The following SLC30A3 variants were observed in gnomAD, a reference collection of about 807,000 sequenced individuals.
SLC30A3 encodes the protein probable proton-coupled zinc antiporter SLC30A3.
SLC30A3 carries 20 observed loss-of-function variants against 35.6 expected under a neutral mutation model. The observed-to-expected ratio is 0.56, with a 90% CI of 0.39 to 0.82. SLC30A3 has a LOEUF of 0.82. Among genes scored for constraint, SLC30A3 ranks in the 40% least tolerant of loss-of-function variants. The probability of loss-of-function intolerance (pLI) is 0.00; values close to 1 mark genes in which losing one functional copy is unlikely to be tolerated. For missense variants in SLC30A3, 401 were observed against 530.6 expected, an observed-to-expected ratio of 0.76 and a Z score of 2.40; for synonymous variants, 217 against 224.7, an observed-to-expected ratio of 0.97 and a Z score of 0.31.
Position 27,255,245 on chromosome 2 carries a change from G to A in SLC30A3, c.*67C>T. 2 of 1,610,152 alleles carry A rather than the reference G, an allele frequency of 1.2e-6. No individual in the cohort carries two copies. The highest frequency in any genetic ancestry group is 2.2e-5 in the East Asian group (1 of 44,818). On this transcript the variant is annotated 3_prime_UTR_variant, in exon 8 of 8. Transcript: ENST00000233535. This position sits in a 1 kb window ranked among gnomAD's most constrained non-coding sequence, Gnocchi z 5.2. ...GGCTCGGTCCCGTCTCTGTGATCAG[G>A]GCAGCAGATGCTGAGAGTCTGGGGC...
At chr2:27,264,023 G>A (rs1215874008), upstream of SLC30A3, 3 of 1,288,082 alleles carry the variant, frequency 2.3e-6, no homozygotes, top group African/African-American at 4.6e-5. This position sits in a 1 kb window ranked among gnomAD's most constrained non-coding sequence, Gnocchi z 6.1. Flanking sequence ...AAAGTCGGTG[G>A]CCGAGCCTCA....
In SLC30A3 at chr2:27,256,472, G is replaced by A. The variant is rs1416141908; in HGVS notation, c.932C>T (p.Ser311Leu). The change falls in exon 7 of 8, where the codon TCG (serine) becomes TTG (leucine). Residue 311 changes from serine (S) to leucine (L), a missense_variant. Physicochemically the swap from Ser to Leu is moderately radical, Grantham distance 145. Coordinates refer to ENST00000233535, the MANE Select transcript of SLC30A3 (RefSeq NM_003459.5). ...ATGGGTTGCCCGGACTCCTGGCACCGACAACAGCGTATCCCGCACAGGTTC... is the reference window on the plus strand; with the variant it reads ...ATGGGTTGCCCGGACTCCTGGCACCAACAACAGCGTATCCCGCACAGGTTC... The part of the protein sequence containing the change: ...GFEPVRDTLL[S>L]VPGVRATHEL... 5.0e-6 allele frequency: 8 copies of A among 1,613,960 alleles called. No individual in the cohort carries two copies. The highest frequency in any genetic ancestry group is 1.3e-5 in the African/African-American group (1 of 74,882).
rs896716950 is a variant in SLC30A3, at chr2:27,257,756, C to T, written c.578+149G>A. ...CTGAATTTTAGGTCTCTATCCCAGA[C>T]CCTTCTCAGGCACACGCAGGGCAGC... On this transcript the variant is annotated intron_variant, in intron 4 of 7. Coordinates refer to ENST00000233535, the MANE Select transcript of SLC30A3 (RefSeq NM_003459.5). The surrounding 1 kb of genome is among the most constrained non-coding windows in gnomAD (Gnocchi z 4.7). 208 of 801,686 alleles carry T rather than the reference C, an allele frequency of 2.6e-4. No individual in the cohort carries two copies. The highest frequency in any genetic ancestry group is 3.6e-4 in the Non-Finnish European group (185 of 507,004). The allele number at this position is 801,686 out of a possible 1,614,324, so 49.7% of individuals were successfully genotyped here. A position where few individuals can be genotyped will look rare whatever the true frequency, so the allele number is the denominator to read the frequency against.
chr2:27,259,258 G>C (rs1677050850), intron 1 of SLC30A3, among the ~76,000 whole-genome samples: 1 of 152,180 alleles, frequency 6.6e-6, no homozygotes, highest in Non-Finnish European at 1.5e-5. Context: ...ACTTTGGGAG[G>C]CCAAGGCAGG....
rs1413451799 is a variant in SLC30A3, at chr2:27,262,182, A to G, written c.95+630T>C. On this transcript the variant is annotated intron_variant, in intron 1 of 7. Coordinates refer to ENST00000233535, the MANE Select transcript of SLC30A3 (RefSeq NM_003459.5). The surrounding 1 kb of genome is among the most constrained non-coding windows in gnomAD (Gnocchi z 7.5). The stretch of plus-strand genomic sequence containing the variant: ...CTGTCCCGGCCGCTCCGCGCGCCTC[A>G]TTTCACACCTCGCCGCCCCCGGCCC... 6.6e-6 allele frequency: 1 copy of G among 151,750 alleles called. No individual in the cohort carries two copies. The highest frequency in any genetic ancestry group is 2.4e-5 in the African/African-American group (1 of 41,302). The allele number at this position is 151,750 out of a possible 1,614,324, so 9.4% of individuals were successfully genotyped here. A position where few individuals can be genotyped will look rare whatever the true frequency, so the allele number is the denominator to read the frequency against.
chr2:27,255,416 G>A lies in SLC30A3; in HGVS notation c.1063C>T (p.Arg355Trp), dbSNP rs941672860. 3.7e-6 allele frequency: 6 copies of A among 1,614,038 alleles called. No homozygotes were observed. Among genetic ancestry groups the A allele is most frequent in the South Asian group, 1.1e-5 (1 of 91,022 alleles). The change falls in exon 8 of 8, where the codon CGG becomes TGG. Residue 355 changes from arginine to tryptophan, a missense_variant. Around this residue, in one of 3 missense-constraint regions of SLC30A3, gnomAD observed 296 missense variants for 392.6 expected, o/e 0.75. Transcript: ENST00000233535. The surrounding 1 kb of genome is among the most constrained non-coding windows in gnomAD (Gnocchi z 5.2). ...GAGAATCCAAACCGGGAGTAGAGCC[G>A]GGATGAGGCTTCAGCCAGGACGGCT... ...PEAVLAEASS[R>W]LYSRFGFSSC...
At chr2:27,267,056 TG>T (rs995220851), upstream of SLC30A3, among the ~76,000 whole-genome samples, 1 of 152,114 alleles carries the variant, frequency 6.6e-6, no homozygotes, top group African/African-American at 2.4e-5. Context: ...AGCCCCTGAT[TG>T]TCACGCCATC....
rs758979490 is a variant in SLC30A3 at position 27,258,982 on chromosome 2, C to T, written c.96-48G>A. On this transcript the variant is annotated intron_variant, in intron 1 of 7. Coordinates refer to ENST00000233535, the MANE Select transcript of SLC30A3 (RefSeq NM_003459.5). The surrounding 1 kb of genome is among the most constrained non-coding windows in gnomAD (Gnocchi z 4.0). ...ACCTGGGCCTGGCCCACAGGCTGGC[C>T]TGCTCACTCCACGTCCTTAGTCCCC... is the stretch of plus-strand genomic sequence containing the variant. 2 of 1,470,720 alleles carry T rather than the reference C, an allele frequency of 1.4e-6. No individual in the cohort carries two copies. Among genetic ancestry groups the T allele is most frequent in the Admixed American group, 4.4e-5 (2 of 45,056 alleles). 91.1% of individuals were successfully genotyped at this position (1,470,720 alleles called of 1,614,324 possible).
upstream of SLC30A3, among the ~76,000 whole-genome samples, chr2:27,265,135 A>T (rs1174928431): frequency 2.6e-5 from 4 of 152,114 alleles, no homozygotes; most frequent in Admixed American, 2.6e-4. The surrounding 1 kb of genome is among the most constrained non-coding windows in gnomAD (Gnocchi z 5.9). Flanking sequence ...ACATAACAAC[A>T]ATGGCTTCCT....
chr2:27,258,264 G>A lies in SLC30A3; in HGVS notation c.321C>T (p.Ala107=), dbSNP rs1383360300. 6.4e-7 allele frequency: 1 copy of A among 1,550,960 alleles called. No homozygotes were observed. The highest frequency in any genetic ancestry group is 8.7e-7 in the Non-Finnish European group (1 of 1,146,336). The change falls in exon 3 of 8, where the codon GCC becomes GCT. Residue 107 remains alanine (A), a synonymous_variant. Transcript: ENST00000233535. The surrounding 1 kb of genome is among the most constrained non-coding windows in gnomAD (Gnocchi z 4.0). ...TGCTGCCCACATCCGCCAGCAAGTG[G>A]GCTGCATCGGTCATGATGGCCAGGC... The part of the protein sequence containing the change: ...AHSLAIMTDA[A]HLLADVGSMM...
upstream of SLC30A3, among the ~76,000 whole-genome samples, chr2:27,265,581 G>A (rs1490203828): frequency 6.6e-6 from 1 of 152,178 alleles, no homozygotes; most frequent in African/African-American, 2.4e-5. This position sits in a 1 kb window ranked among gnomAD's most constrained non-coding sequence, Gnocchi z 5.9. Context: ...AAGCTGAAGA[G>A]CATGGACAGA....
chr2:27,269,274 C>T (rs1353797008), intron 1 of SLC30A3, among the ~76,000 whole-genome samples: 2 of 144,800 alleles, frequency 1.4e-5, no homozygotes, highest in Admixed American at 1.5e-4. Flanking sequence ...GGCACGATCT[C>T]GGCTCACTGC....
At chr2:27,267,999 A>G (rs1677566000), upstream of SLC30A3, among the ~76,000 whole-genome samples, 1 of 151,788 alleles carries the variant, frequency 6.6e-6, no homozygotes. Context: ...CTCTATTTCT[A>G]TTCCTTGTTT....
rs564734242 is a variant in SLC30A3 at position 27,255,563 on chromosome 2, C to T, written c.1019-103G>A. On this transcript the variant is annotated intron_variant, in intron 7 of 7. Coordinates refer to ENST00000233535, the MANE Select transcript of SLC30A3 (RefSeq NM_003459.5). The surrounding 1 kb of genome is among the most constrained non-coding windows in gnomAD (Gnocchi z 5.2). Reference sequence around the variant, plus strand: ...GGGGCTGCACAGCATTAAAGCCAGGCGTGAATGGAAGCCTGCTTTTCTTTC... The same window carrying T: ...GGGGCTGCACAGCATTAAAGCCAGGTGTGAATGGAAGCCTGCTTTTCTTTC... 4.2e-5 allele frequency: 54 copies of T among 1,278,610 alleles called. No individual in the cohort carries two copies. Among genetic ancestry groups the T allele is most frequent in the Middle Eastern group, 2.5e-4 (1 of 4,018 alleles). 79.2% of individuals were successfully genotyped at this position (1,278,610 alleles called of 1,614,324 possible).
At chr2:27,272,794 G>A (rs1001963654) in intron 1 of SLC30A3, among the ~76,000 whole-genome samples, 1 of 151,460 alleles carries the variant, frequency 6.6e-6, no homozygotes, top group Non-Finnish European at 1.5e-5. Flanking sequence ...GCTCACGCCT[G>A]TAATCCCTGC....
chr2:27,258,201 A>G lies in SLC30A3; in HGVS notation c.384T>C (p.Arg128=), dbSNP rs550525041. 1 of 1,598,224 alleles carries G rather than the reference A, an allele frequency of 6.3e-7. No homozygotes were observed. ...CAAAGGTCATGGTGCGGGTGGCTGG[A>G]CGGGTGGAGAGCCAGAGGGAGAAGA... is the stretch of plus-strand genomic sequence containing the variant. ...GSLFSLWLST[R]PATRTMTFGW... The change falls in exon 3 of 8, where the codon CGT becomes CGC. Residue 128 remains arginine, a synonymous_variant. Transcript: ENST00000233535. This position sits in a 1 kb window ranked among gnomAD's most constrained non-coding sequence, Gnocchi z 4.0.
chr2:27,264,245 C>T, upstream of SLC30A3: 1 of 397,364 alleles, frequency 2.5e-6, no homozygotes, highest in South Asian at 1.8e-5. This position sits in a 1 kb window ranked among gnomAD's most constrained non-coding sequence, Gnocchi z 6.1. Context: ...CAGCCGCATC[C>T]TTCAGAACAC....
At chr2:27,275,450 C>T, upstream of SLC30A3, 1 of 349,878 alleles carries the variant, frequency 2.9e-6, no homozygotes, top group Non-Finnish European at 5.6e-6. Context: ...CCCTCAGCGT[C>T]GACGCTGCGC....
At chr2:27,263,105 G>C (rs550118987), upstream of SLC30A3, 23 of 1,347,328 alleles carry the variant, frequency 1.7e-5, no homozygotes, top group East Asian at 4.4e-4. Context: ...GCCCCGCGTG[G>C]GGCGAGCTCC....
Sources: allele counts gnomAD v4.1 joint callset (sites outside exome capture counted in the v4.1 genomes callset), GRCh38; gene constraint gnomAD v4.1.1; regional missense constraint gnomAD v4.1.1; non-coding constraint Gnocchi (gnomAD v3.1); transcripts MANE v1.5; gene names NCBI Gene and HGNC (gene_info 2026-07-23, HGNC 2026-07-21).